MEG3: variants seen among roughly 807,000 people sequenced by gnomAD.
The protein encoded by MEG3 is Very putative protein from MEG3 locus.
chr14:100,844,051 C>T (rs566905883), intron 2 of MEG3, among the ~76,000 whole-genome samples: 12 of 152,104 alleles, frequency 7.9e-5, no homozygotes, highest in African/African-American at 2.2e-4. Context: ...AGGCTGGTCT[C>T]GAACTCCTGA....
rs938968458 is a variant in MEG3, at chr14:100,858,758, C to G, written n.1514C>G. On this transcript the variant is annotated non_coding_transcript_exon_variant, in exon 1 of 2. Transcript: ENST00000398460. ...TGCTAAGGAGCCCTTTCATTGTGGC[C>G]TTTGGTGTCTGCCTCATGCCCATCC... The G allele has an allele frequency of 2.0e-5, 3 of 152,916 alleles. No homozygotes were observed. The Admixed American group carries it at 2.0e-4, about 10-fold the overall frequency. The allele number at this position is 152,916 out of a possible 1,614,324, so 9.5% of individuals were successfully genotyped here. A position where few individuals can be genotyped will look rare whatever the true frequency, so the allele number is the denominator to read the frequency against.
intron 2 of MEG3, among the ~76,000 whole-genome samples, chr14:100,836,978 T>C (rs978117694): frequency 6.6e-6 from 1 of 152,086 alleles, no homozygotes; most frequent in Non-Finnish European, 1.5e-5. Flanking sequence ...CGAGGACCCA[T>C]CATTTGTTTA....
At chr14:100,830,954 C>G (rs993365948), downstream of MEG3, 1 of 152,586 alleles carries the variant, frequency 6.6e-6, no homozygotes, top group Admixed American at 6.6e-5. Context: ...AGGAGGGGAC[C>G]TTTTGTCTTC....
chr14:100,860,619 C>T (rs534615481), intron 1 of MEG3: 71 of 456,258 alleles, frequency 1.6e-4, no homozygotes, highest in African/African-American at 1.1e-3. Context: ...GCCTGCCTGT[C>T]TGTCTGTGAA....
upstream of MEG3, chr14:100,855,910 A>G (rs972836925): frequency 2.6e-5 from 4 of 152,234 alleles, no homozygotes; most frequent in Admixed American, 1.3e-4. Flanking sequence ...GAATCAGCCA[A>G]CTGTGTTCCC....
chr14:100,835,038 G>A lies in MEG3; in HGVS notation n.2070G>A, dbSNP rs947775204. On this transcript the variant is annotated non_coding_transcript_exon_variant, in exon 1 of 4. Coordinates refer to the MEG3 transcript ENST00000398461. ...CCCTTGATGGCCTCTGTGTCCCCAG[G>A]AGGGCGGGCCGGGGGGTTGCCCAGG... 40 of 350,882 alleles carry A rather than the reference G, an allele frequency of 1.1e-4. 2 individuals are homozygous for A. Among genetic ancestry groups the A allele is most frequent in the Middle Eastern group, 2.1e-3 (2 of 954 alleles). 21.7% of individuals were successfully genotyped at this position (350,882 alleles called of 1,614,324 possible). A position where few individuals can be genotyped will look rare whatever the true frequency, so the allele number is the denominator to read the frequency against.
At chr14:100,842,753 G>C (rs549744525) in intron 2 of MEG3, among the ~76,000 whole-genome samples, 1 of 152,302 alleles carries the variant, frequency 6.6e-6, no homozygotes, top group African/African-American at 2.4e-5. Context: ...CCAGAAAAGA[G>C]GAACTTTTAA....
chr14:100,837,429 G>A lies in MEG3; in HGVS notation n.3045+1129G>A, dbSNP rs559527421. On this transcript the variant is annotated intron_variant and non_coding_transcript_variant, in intron 2 of 3. Transcript: ENST00000398461. This position sits in a 1 kb window ranked among gnomAD's most constrained non-coding sequence, Gnocchi z 5.8. Reference sequence around the variant, plus strand: ...GACTTCCCAGAGAAGCTGGGTGGGCGCTGAGAAAGGTCTGAACCGTGGGGT... The same window carrying A: ...GACTTCCCAGAGAAGCTGGGTGGGCACTGAGAAAGGTCTGAACCGTGGGGT... Among the ~76,000 whole-genome samples the A allele has an allele frequency of 2.2e-4, 33 of 152,250 alleles. No homozygotes were observed. Among genetic ancestry groups the A allele is most frequent in the South Asian group, 6.2e-4 (3 of 4,818 alleles).
At position 100,837,016 on chromosome 14, in the gene MEG3, C is replaced by G. The variant is rs2037604939; in HGVS notation, n.3045+716C>G. On this transcript the variant is annotated intron_variant and non_coding_transcript_variant, in intron 2 of 3. Coordinates refer to the MEG3 transcript ENST00000398461. This position sits in a 1 kb window ranked among gnomAD's most constrained non-coding sequence, Gnocchi z 5.8. ...TGTGTTTTACTAATTCAAGATGCAG[C>G]CGGGAGCCGTCCAGGGCTCGGGCCT... Among the ~76,000 whole-genome samples the G allele has an allele frequency of 6.6e-6, 1 of 152,154 alleles. No individual in the cohort carries two copies. Among genetic ancestry groups the G allele is most frequent in the Non-Finnish European group, 1.5e-5 (1 of 68,042 alleles).
At chr14:100,830,740 G>A (rs765567202), downstream of MEG3, 3 of 152,100 alleles carry the variant, frequency 2.0e-5, no homozygotes, top group East Asian at 1.9e-4. Context: ...AATTTCTTTC[G>A]TCCCGTTTTA....
At chr14:100,832,970 A>AT (rs1185938756), downstream of MEG3, 23 of 152,410 alleles carry the variant, frequency 1.5e-4, no homozygotes, top group African/African-American at 5.3e-4. Context: ...CTCAGGACCC[A>AT]TTGAGGACAT....
chr14:100,836,925 T>C (rs1486629996), intron 2 of MEG3, among the ~76,000 whole-genome samples: 1 of 152,100 alleles, frequency 6.6e-6, no homozygotes, highest in Non-Finnish European at 1.5e-5. Flanking sequence ...AAAACAGCAA[T>C]GGTAGAGAAG....
rs866102272 is a variant in MEG3 at position 100,837,405 on chromosome 14, A to C, written n.3045+1105A>C. ...CATTGTGGTGAATGAGTGCAGTTAG[A>C]CTTCCCAGAGAAGCTGGGTGGGCGC... On this transcript the variant is annotated intron_variant and non_coding_transcript_variant, in intron 2 of 3. Transcript: ENST00000398461. The surrounding 1 kb of genome is among the most constrained non-coding windows in gnomAD (Gnocchi z 5.8). Among the ~76,000 whole-genome samples, 3 of 152,072 alleles carry C rather than the reference A, an allele frequency of 2.0e-5. No individual in the cohort carries two copies. The highest frequency in any genetic ancestry group is 4.4e-5 in the Non-Finnish European group (3 of 67,990).
intron 2 of MEG3, among the ~76,000 whole-genome samples, chr14:100,838,491 T>C (rs1435621495): frequency 2.6e-5 from 4 of 152,244 alleles, no homozygotes; most frequent in Non-Finnish European, 4.4e-5. Context: ...GAAAGGCCAC[T>C]AGTAAGTGCT....
exon 1 of MEG3, chr14:100,857,816 T>C (rs1008727461): frequency 3.3e-5 from 5 of 152,044 alleles, no homozygotes; most frequent in African/African-American, 4.8e-5. Flanking sequence ...CTGCTTTCGT[T>C]TGTTAGGGAG....
At chr14:100,855,353 T>G (rs959918381), upstream of MEG3, 5 of 152,346 alleles carry the variant, frequency 3.3e-5, no homozygotes, top group Non-Finnish European at 7.3e-5. Flanking sequence ...ACACCCTTTC[T>G]TGTAGCTGCC....
intron 2 of MEG3, among the ~76,000 whole-genome samples, chr14:100,842,618 G>A (rs1438446290): frequency 2.0e-5 from 3 of 152,174 alleles, no homozygotes; most frequent in African/African-American, 4.8e-5. Flanking sequence ...TTTGTGTAAC[G>A]ACGGGCTCTA....
At chr14:100,828,071 T>C (rs920953328) in intron 1 of MEG3, among the ~76,000 whole-genome samples, 21 of 151,912 alleles carry the variant, frequency 1.4e-4, no homozygotes, top group Non-Finnish European at 2.8e-4. Context: ...TGGAGAGGCG[T>C]CCAGGGGGCG....
chr14:100,860,729 G>A (rs985713483), intron 1 of MEG3: 18 of 456,364 alleles, frequency 3.9e-5, no homozygotes, highest in Admixed American at 7.1e-5. Context: ...CTATTCCCAC[G>A]GGACAGGCTG....
Sources: gnomAD v4.1 joint callset for allele counts (sites outside exome capture counted in the v4.1 genomes callset) on GRCh38, gnomAD v4.1.1 for gene constraint, Gnocchi (gnomAD v3.1) non-coding constraint, MANE v1.5 for transcripts, NCBI Gene and HGNC (gene_info 2026-07-23, HGNC 2026-07-21) for gene names.